Variants in FBXL7 observed in about 807,000 individuals in gnomAD.
FBXL7 encodes the protein F-box and leucine rich repeat protein 7, also known as F-box/LRR-repeat protein 7.
A neutral mutation model predicts 38.3 loss-of-function variants in FBXL7; 12 were observed. That is an observed-to-expected ratio of 0.31 (90% confidence interval 0.20 to 0.51). The LOEUF is 0.51. Among genes scored for constraint, FBXL7 ranks in the 20% least tolerant of loss-of-function variants. The pLI, the probability that FBXL7 is intolerant of heterozygous loss-of-function variation, is 0.98. For synonymous variants in FBXL7, 297 were observed against 300.9 expected, an observed-to-expected ratio of 0.99 and a Z score of 0.13; for missense variants, 567 against 676.4, an observed-to-expected ratio of 0.84 and a Z score of 1.79.
At chr5:15,878,035 A>G (rs917672347) in intron 2 of FBXL7, among the ~76,000 whole-genome samples, 1 of 152,180 alleles carries the variant, frequency 6.6e-6, no homozygotes, top group African/African-American at 2.4e-5. Context: ...TAGCTTAGCT[A>G]CAAATGCAGA....
intron 2 of FBXL7, among the ~76,000 whole-genome samples, chr5:15,669,465 A>G (rs1742394125): frequency 6.6e-6 from 1 of 152,202 alleles, no homozygotes; most frequent in Admixed American, 6.5e-5. Context: ...TGGAGGAGAC[A>G]CTAGCGTGGG....
At chr5:15,719,282 T>G (rs1274774407) in intron 2 of FBXL7, among the ~76,000 whole-genome samples, 2 of 152,192 alleles carry the variant, frequency 1.3e-5, no homozygotes, top group African/African-American at 2.4e-5. Context: ...CTCTTGTCGT[T>G]CTGTATCCTA....
chr5:15,876,695 G>A lies in FBXL7; in HGVS notation c.128-51195G>A, dbSNP rs550469263. Among the ~76,000 whole-genome samples the A allele has an allele frequency of 9.2e-5, 14 of 152,246 alleles. 1 individual carries two copies. The highest frequency in any genetic ancestry group is 3.4e-4 in the African/African-American group (14 of 41,552). On this transcript the variant is annotated intron_variant, in intron 2 of 3. Transcript: ENST00000504595. ...CCTGTATCTATTTTTTAACCTTTCT[G>A]TGTTATAGTTAGGTATATTTGTCAT...
intron 2 of FBXL7, among the ~76,000 whole-genome samples, chr5:15,710,223 C>G (rs989549129): frequency 1.3e-5 from 2 of 152,170 alleles, no homozygotes; most frequent in Non-Finnish European, 2.9e-5. Context: ...GGATAAGATT[C>G]TACATATGGC....
intron 2 of FBXL7, among the ~76,000 whole-genome samples, chr5:15,881,187 T>A (rs1269585394): frequency 1.3e-5 from 2 of 152,088 alleles, no homozygotes; most frequent in African/African-American, 4.8e-5. Flanking sequence ...CCCCCTACCT[T>A]TCCCTCAAGT....
chr5:15,822,455 C>T, intron 2 of FBXL7, among the ~76,000 whole-genome samples: 1 of 152,090 alleles, frequency 6.6e-6, no homozygotes, highest in Middle Eastern at 3.2e-3. Context: ...GCAGCTTGAC[C>T]AGCCTTTCCT....
intron 2 of FBXL7, among the ~76,000 whole-genome samples, chr5:15,697,948 C>T (rs891198693): frequency 6.6e-6 from 1 of 152,158 alleles, no homozygotes; most frequent in Non-Finnish European, 1.5e-5. Context: ...TAGAAATATT[C>T]CTAGTGAGAC....
At chr5:15,728,565 G>A (rs546426568) in intron 2 of FBXL7, among the ~76,000 whole-genome samples, 1 of 152,236 alleles carries the variant, frequency 6.6e-6, no homozygotes, top group Middle Eastern at 3.4e-3. Flanking sequence ...GAGAAAGCCT[G>A]AGTCAATTAT....
chr5:15,653,154 A>G (rs959434023), intron 2 of FBXL7, among the ~76,000 whole-genome samples: 5 of 152,208 alleles, frequency 3.3e-5, no homozygotes, highest in Non-Finnish European at 7.3e-5. Context: ...ATTGATCACC[A>G]TAACAGATAG....
At chr5:15,561,217 T>C (rs182957163) in intron 1 of FBXL7, among the ~76,000 whole-genome samples, 345 of 152,278 alleles carry the variant, frequency 2.3e-3, no homozygotes, top group African/African-American at 7.9e-3. Context: ...TCTTGACCTC[T>C]ATCTATTCCT....
intron 2 of FBXL7, among the ~76,000 whole-genome samples, chr5:15,872,995 A>C (rs559177052): frequency 6.6e-6 from 1 of 152,334 alleles, no homozygotes; most frequent in Admixed American, 6.5e-5. Flanking sequence ...TCAGCACCAC[A>C]TAGCACTTAT....
In FBXL7 at chr5:15,621,904, A is replaced by AT. The variant is rs201110465; in HGVS notation, c.127+5841dup. ...GTCAATTTTTGGATCCAATACACTCATTTTTTTTTACATTAATTAATGAAA... is the reference window on the plus strand; with the variant it reads ...GTCAATTTTTGGATCCAATACACTCATTTTTTTTTTACATTAATTAATGAAA... On this transcript the variant is annotated intron_variant, in intron 2 of 3. Transcript: ENST00000504595. 1.3e-3 allele frequency among the ~76,000 whole-genome samples: 191 copies of AT among 151,472 alleles called. 2 individuals are homozygous for AT. Among genetic ancestry groups the AT allele is most frequent in the East Asian group, 0.011 (58 of 5,170 alleles).
intron 2 of FBXL7, among the ~76,000 whole-genome samples, chr5:15,627,298 G>T (rs1001525594): frequency 1.2e-4 from 19 of 152,312 alleles, no homozygotes; most frequent in African/African-American, 3.4e-4. Flanking sequence ...AAGCAGAAGG[G>T]AGTGGGTGTG....
chr5:15,670,759 C>A (rs1742439552), intron 2 of FBXL7, among the ~76,000 whole-genome samples: 1 of 151,854 alleles, frequency 6.6e-6, no homozygotes, highest in Admixed American at 6.6e-5. Flanking sequence ...CAAGATCATG[C>A]CACTGCACTT....
intron 2 of FBXL7, among the ~76,000 whole-genome samples, chr5:15,912,544 C>G (rs1272088055): frequency 1.7e-4 from 26 of 149,784 alleles, no homozygotes; most frequent in Admixed American, 1.7e-3. Context: ...CATCTTGGCT[C>G]CTCCCCACCG....
intron 2 of FBXL7, among the ~76,000 whole-genome samples, chr5:15,702,115 G>A (rs1743541817): frequency 6.6e-6 from 1 of 151,880 alleles, no homozygotes; most frequent in South Asian, 2.1e-4. Context: ...GCCGGTTCCT[G>A]TAATCCCAGC....
chr5:15,570,597 G>C (rs991931775), intron 1 of FBXL7, among the ~76,000 whole-genome samples: 3 of 152,188 alleles, frequency 2.0e-5, no homozygotes, highest in Non-Finnish European at 4.4e-5. Context: ...GCCAGGGTCT[G>C]TGACTGTTCA....
intron 2 of FBXL7, among the ~76,000 whole-genome samples, chr5:15,677,474 A>AGAGAGAGCG (rs1742699450): frequency 6.7e-6 from 1 of 149,084 alleles, no homozygotes; most frequent in Non-Finnish European, 1.5e-5. Flanking sequence ...AAAAGAAAGA[A>AGAGAGAGCG]AGAGAGAGAG....
At chr5:15,877,116 A>G (rs527452397) in intron 2 of FBXL7, among the ~76,000 whole-genome samples, 58 of 152,322 alleles carry the variant, frequency 3.8e-4, no homozygotes, top group Non-Finnish European at 7.3e-4. Context: ...TCAAACCCCC[A>G]GCACACAGCA....
Sources: gnomAD v4.1 joint callset for allele counts (sites outside exome capture counted in the v4.1 genomes callset) on GRCh38, gnomAD v4.1.1 for gene constraint, MANE v1.5 for transcripts, NCBI Gene and HGNC (gene_info 2026-07-23, HGNC 2026-07-21) for gene names.